TAP2: variants seen among roughly 807,000 people sequenced by gnomAD.
TAP2 encodes the protein antigen peptide transporter 2.
A neutral mutation model predicts 74.7 loss-of-function variants in TAP2; 49 were observed. The ratio of observed to expected loss-of-function variants is 0.66; its 90% CI spans 0.52 to 0.83. TAP2 has a LOEUF of 0.83. Ranked by LOEUF, TAP2 falls within the 40% of genes least tolerant of loss-of-function variation. The pLI, the probability that TAP2 is intolerant of heterozygous loss-of-function variation, is 0.00. For synonymous variants in TAP2, 306 were observed against 368.4 expected, an observed-to-expected ratio of 0.83 and a Z score of 1.94; for missense variants, 739 against 859.0, an observed-to-expected ratio of 0.86 and a Z score of 1.75.
Position 32,829,492 on chromosome 6 carries a change from G to A in TAP2, c.1840C>T (p.Arg614Cys), listed in dbSNP as rs972577711. Reference protein sequence around the residue: ...GSQLAAGQKQRLAIARALVRD... With the variant: ...GSQLAAGQKQCLAIARALVRD... Reference sequence around the variant, plus strand: ...ACAAGGGCCCGGGCAATGGCCAGACGTTGTTTCTGTCCCGCAGCCAGCTGG... The same window carrying A: ...ACAAGGGCCCGGGCAATGGCCAGACATTGTTTCTGTCCCGCAGCCAGCTGG... Residue 614 changes from arginine to cysteine, a missense_variant, in exon 11 of 12, where the codon CGT (arginine) becomes TGT (cysteine). Coordinates refer to ENST00000374897, the MANE Select transcript of TAP2 (RefSeq NM_001290043.2). The A allele has an allele frequency of 1.1e-5, 18 of 1,614,166 alleles. No individual in the cohort carries two copies. Among genetic ancestry groups the A allele is most frequent in the Middle Eastern group, 3.3e-4 (2 of 6,062 alleles).
intron 1 of TAP2, 73 bp from the exon 2 acceptor site, chr6:32,838,310 G>A (rs1769579157): frequency 3.4e-6 from 5 of 1,483,886 alleles, no homozygotes; most frequent in East Asian, 4.6e-5. Flanking sequence ...CTACCCGCCC[G>A]GCTCCGCCTA....
chr6:32,837,380 A>C (rs1033501942), intron 3 of TAP2, among the ~76,000 whole-genome samples, 157 bp downstream of exon 3: 2 of 152,170 alleles, frequency 1.3e-5, no homozygotes, highest in African/African-American at 4.8e-5. Flanking sequence ...GAAGAAATGA[A>C]TGGATAGATG....
At position 32,832,298 on chromosome 6, in the gene TAP2, GGA is replaced by G. The variant is rs776652598; in HGVS notation, c.1272+33_1272+34del. ...CAGGAGTCCACAAAGAAAAAGAGAG[GGA>G]AAAAAGGAGAGCAGGCTTGGCTTCT... On this transcript the variant is annotated intron_variant, in intron 7 of 11. Coordinates refer to ENST00000374897, the MANE Select transcript of TAP2 (RefSeq NM_001290043.2). The surrounding 1 kb of genome is among the most constrained non-coding windows in gnomAD (Gnocchi z 5.9). 9.9e-6 allele frequency: 16 copies of G among 1,612,818 alleles called. No homozygotes were observed. In the South Asian group the frequency reaches 1.6e-4, roughly 17 times the overall value.
At position 32,835,198 on chromosome 6, in the gene TAP2, G is replaced by A; in HGVS notation, c.901C>T (p.Pro301Ser). ...ACCTTCTCCGCTGCTATTGTGAAGG[G>A]CATGTGCAGCAGAGAAAGGAGGGTG... ...RLTLLSLLHM[P>S]FTIAAEKVYN... is the part of the protein sequence containing the mutation. Residue 301 changes from proline to serine, a missense_variant, in exon 5 of 12, where the codon CCC (proline) becomes TCC (serine). Physicochemically the swap from Pro to Ser is moderately conservative, Grantham distance 74. Transcript: ENST00000374897. The surrounding 1 kb of genome is among the most constrained non-coding windows in gnomAD (Gnocchi z 4.0). The A allele has an allele frequency of 6.2e-7, 1 of 1,612,998 alleles. No homozygotes were observed. The highest frequency in any genetic ancestry group is 8.5e-7 in the Non-Finnish European group (1 of 1,180,008).
At chr6:32,822,285 A>C (rs1208223101), downstream of TAP2, 133 of 1,555,526 alleles carry the variant, frequency 8.6e-5, no homozygotes, top group Non-Finnish European at 1.2e-4. Context: ...ATATCCATTG[A>C]AATTCAAAAT....
At position 32,835,271 on chromosome 6, in the gene TAP2, C is replaced by T. The variant is rs767389543; in HGVS notation, c.828G>A (p.Val276=). Residue 276 remains valine (V), a synonymous_variant, in exon 5 of 12, where the codon GTG becomes GTA. Coordinates refer to ENST00000374897, the MANE Select transcript of TAP2 (RefSeq NM_001290043.2). The surrounding 1 kb of genome is among the most constrained non-coding windows in gnomAD (Gnocchi z 4.0). ...TGAAGCCATACAGCCCCACCACTTTCACCAGGCTTCGCAAGAGCACATTGG... is the reference window on the plus strand; with the variant it reads ...TGAAGCCATACAGCCCCACCACTTTTACCAGGCTTCGCAAGAGCACATTGG... ...LNANVLLRSL[V]KVVGLYGFML... 1.9e-6 allele frequency: 3 copies of T among 1,613,120 alleles called. No individual in the cohort carries two copies. Among genetic ancestry groups the T allele is most frequent in the African/African-American group, 1.3e-5 (1 of 75,052 alleles).
chr6:32,836,414 A>G (rs1769424059), intron 3 of TAP2, among the ~76,000 whole-genome samples: 1 of 152,262 alleles, frequency 6.6e-6, no homozygotes, highest in African/African-American at 2.4e-5. Context: ...ATACAAATTT[A>G]GTTACCATAT....
intron 3 of TAP2, among the ~76,000 whole-genome samples, chr6:32,836,508 T>C (rs941239463): frequency 2.6e-5 from 4 of 152,242 alleles, no homozygotes; most frequent in African/African-American, 9.6e-5. Context: ...AAATGTGTCG[T>C]TAGATGGTTT....
chr6:32,826,354 T>C lies in TAP2; in HGVS notation c.*2552A>G, dbSNP rs1768648647. The C allele has an allele frequency of 1.0e-6, 1 of 985,228 alleles. No homozygotes were observed. The highest frequency in any genetic ancestry group is 1.2e-6 in the Non-Finnish European group (1 of 829,950). 61.0% of individuals were successfully genotyped at this position (985,228 alleles called of 1,614,324 possible). A position where few individuals can be genotyped will look rare whatever the true frequency, so the allele number is the denominator to read the frequency against. ...TTCCCCTCTCCATTCATACTTTCCT[T>C]TAGAAAGAATAAGGCATGCCTGGGT... On this transcript the variant is annotated 3_prime_UTR_variant, in exon 12 of 12. Transcript: ENST00000374897.
In TAP2 at chr6:32,828,221, CACTT is replaced by C; in HGVS notation, c.*681_*684del. 1.0e-6 allele frequency: 1 copy of C among 965,418 alleles called. No homozygotes were observed. The highest frequency in any genetic ancestry group is 1.2e-6 in the Non-Finnish European group (1 of 811,906). The allele number at this position is 965,418 out of a possible 1,614,324, so 59.8% of individuals were successfully genotyped here. ...ATTAAAAACGATAATACATGAAAAA[CACTT>C]AGCATAGCTCCTACTCCCATTAAAA... is the stretch of plus-strand genomic sequence containing the variant. On this transcript the variant is annotated 3_prime_UTR_variant, in exon 12 of 12. Coordinates refer to ENST00000374897, the MANE Select transcript of TAP2 (RefSeq NM_001290043.2).
At chr6:32,836,230 T>C (rs1005504614) in intron 3 of TAP2, among the ~76,000 whole-genome samples, 2 of 152,178 alleles carry the variant, frequency 1.3e-5, no homozygotes, top group Non-Finnish European at 2.9e-5. Context: ...TCATGGGAAC[T>C]GCAATAATAA....
At chr6:32,822,417 A>T (rs1768341710), downstream of TAP2, 11 of 761,212 alleles carry the variant, frequency 1.4e-5, no homozygotes, top group South Asian at 1.9e-4. Context: ...TTTTTGTGTC[A>T]GTATAATAAG....
downstream of TAP2, among the ~76,000 whole-genome samples, chr6:32,824,339 T>G (rs1158126461): frequency 1.3e-5 from 2 of 152,166 alleles, no homozygotes; most frequent in African/African-American, 2.4e-5. Context: ...TGTAATTACA[T>G]AAGCTGTCTT....
chr6:32,828,746 G>A lies in TAP2; in HGVS notation c.*160C>T. 2 of 1,081,082 alleles carry A rather than the reference G, an allele frequency of 1.9e-6. No individual in the cohort carries two copies. The highest frequency in any genetic ancestry group is 5.3e-5 in the South Asian group (2 of 37,646). The allele number at this position is 1,081,082 out of a possible 1,614,324, so 67.0% of individuals were successfully genotyped here. On this transcript the variant is annotated 3_prime_UTR_variant, in exon 12 of 12. Transcript: ENST00000374897. ...CAGTGTCCAAATCTCCATCGTGCCT[G>A]CAACTCAGGAACAGCTATCTGGCCG... is the stretch of plus-strand genomic sequence containing the variant.
intron 3 of TAP2, 128 bp downstream of exon 3, chr6:32,837,409 A>C: frequency 1.3e-6 from 1 of 761,612 alleles, no homozygotes; most frequent in Non-Finnish European, 2.3e-6. Context: ...TGGTGACTAC[A>C]TTCACCATAT....
chr6:32,828,997 A>G lies in TAP2; in HGVS notation c.1970T>C (p.Leu657Pro). Reference protein sequence around the residue: ...DWNSRGDRTVLVIAHRLQTVQ... With the variant: ...DWNSRGDRTVPVIAHRLQTVQ... ...TGTCTGCAGCCTGTGAGCAATCACC[A>G]GCACTGTGCGATCCCCACGGGAATT... The change falls in exon 12 of 12, where the codon CTG becomes CCG. Residue 657 changes from leucine to proline, a missense_variant. By Grantham distance (98) the Leu-to-Pro change is moderately conservative. Transcript: ENST00000374897. The G allele has an allele frequency of 6.4e-7, 1 of 1,552,264 alleles. No individual in the cohort carries two copies. The highest frequency in any genetic ancestry group is 1.4e-5 in the African/African-American group (1 of 73,326).
chr6:32,825,895 A>G lies in TAP2; in HGVS notation c.*3011T>C, dbSNP rs9501225. ...GAATTGAGATAGTAATACCTGCCAC[A>G]TAGAATTATCTTGAAAAATAAGGTA... On this transcript the variant is annotated 3_prime_UTR_variant, in exon 12 of 12. Transcript: ENST00000374897. 67 of 767,080 alleles carry G rather than the reference A, an allele frequency of 8.7e-5. No individual in the cohort carries two copies. The African/African-American group carries it at 1.3e-3, about 15-fold the overall frequency. The allele number at this position is 767,080 out of a possible 1,614,324, so 47.5% of individuals were successfully genotyped here. A position where few individuals can be genotyped will look rare whatever the true frequency, so the allele number is the denominator to read the frequency against.
chr6:32,832,956 C>G lies in TAP2; in HGVS notation c.946-132G>C, dbSNP rs1158521981. Reference sequence around the variant, plus strand: ...ACTGTTTCTCTCCCTCTTCCTTACTCTTCTTTCCAGAAGGAATAAGAGTGA... The same window carrying G: ...ACTGTTTCTCTCCCTCTTCCTTACTGTTCTTTCCAGAAGGAATAAGAGTGA... On this transcript the variant is annotated intron_variant, in intron 5 of 11. Transcript: ENST00000374897. The surrounding 1 kb of genome is among the most constrained non-coding windows in gnomAD (Gnocchi z 5.9). 9.8e-7 allele frequency: 1 copy of G among 1,019,758 alleles called. No homozygotes were observed. Among genetic ancestry groups the G allele is most frequent in the Non-Finnish European group, 1.5e-6 (1 of 677,586 alleles). 63.2% of individuals were successfully genotyped at this position (1,019,758 alleles called of 1,614,324 possible).
chr6:32,838,261 AATC>A (rs1769574656), intron 1 of TAP2, 24 bp from the exon 2 acceptor site: 1 of 1,534,576 alleles, frequency 6.5e-7, no homozygotes, highest in African/African-American at 1.4e-5. Flanking sequence ...CGAGATGAGA[AATC>A]ATGGGGGTGG....
Sources: allele counts gnomAD v4.1 joint callset (sites outside exome capture counted in the v4.1 genomes callset), GRCh38; gene constraint gnomAD v4.1.1; non-coding constraint Gnocchi (gnomAD v3.1); transcripts MANE v1.5; gene names NCBI Gene and HGNC (gene_info 2026-07-23, HGNC 2026-07-21).